The following PLCG2 variants were observed in gnomAD, a reference collection of about 807,000 sequenced individuals.
PLCG2 encodes the protein phospholipase C gamma 2.
PLCG2 carries 69 observed loss-of-function variants against 175.6 expected under a neutral mutation model. The observed-to-expected ratio is 0.39, with a 90% CI of 0.32 to 0.48. PLCG2 has a LOEUF of 0.48. Ranked by LOEUF, PLCG2 falls within the 20% of genes least tolerant of loss-of-function variation. PLCG2 has a pLI of 0.91. For synonymous variants in PLCG2, 827 were observed against 624.0 expected (o/e 1.33, Z -4.85); for missense variants, 1,798 against 1,650.9 (o/e 1.09, Z -1.54).
chr16:81,908,347 A>C (rs925914170), intron 16 of PLCG2, 69 bp from the exon 17 acceptor site: 45 of 1,392,466 alleles, frequency 3.2e-5, no homozygotes, highest in Non-Finnish European at 4.4e-5. Context: ...GTGAGACAGA[A>C]GGACCTGTCT....
At chr16:81,786,475 G>C (rs1305479021) in intron 2 of PLCG2, among the ~76,000 whole-genome samples, 1 of 152,194 alleles carries the variant, frequency 6.6e-6, no homozygotes, top group Non-Finnish European at 1.5e-5. Context: ...CTGTCTGACA[G>C]CATCAGGGAT....
chr16:81,783,504 A>G (rs1217133798), intron 1 of PLCG2, among the ~76,000 whole-genome samples: 2 of 152,208 alleles, frequency 1.3e-5, no homozygotes, highest in South Asian at 4.1e-4. Context: ...ATATCTGGCC[A>G]GATGCTGCCA....
intron 27 of PLCG2, among the ~76,000 whole-genome samples, chr16:81,936,791 C>T (rs184092108): frequency 1.9e-3 from 286 of 152,294 alleles, no homozygotes; most frequent in African/African-American, 6.4e-3. Context: ...ACAAAGTGAT[C>T]GCATAAATCA....
At position 81,961,065 on chromosome 16, in the gene PLCG2, G is replaced by C. The variant is rs1242046214; in HGVS notation, c.*3067G>C. ...TTATCAACAGGGCACAAATCTTTTT[G>C]CAAATGGATTTTCCAAGTTTTTCTG... On this transcript the variant is annotated 3_prime_UTR_variant, in exon 33 of 33. Transcript: ENST00000564138. 4.3e-6 allele frequency: 1 copy of C among 231,356 alleles called. No individual in the cohort carries two copies. The highest frequency in any genetic ancestry group is 5.7e-5 in the Admixed American group (1 of 17,692). 14.3% of individuals were successfully genotyped at this position (231,356 alleles called of 1,614,324 possible). A position where few individuals can be genotyped will look rare whatever the true frequency, so the allele number is the denominator to read the frequency against.
intron 23 of PLCG2, 150 bp from the exon 24 acceptor site, chr16:81,928,408 G>C (rs1210214898): frequency 3.3e-6 from 2 of 601,048 alleles, no homozygotes; most frequent in Non-Finnish European, 6.2e-6. Context: ...TCATTATTTA[G>C]CTCTCTCCCC....
chr16:81,784,113 G>A (rs572312164), intron 1 of PLCG2, among the ~76,000 whole-genome samples: 1 of 152,324 alleles, frequency 6.6e-6, no homozygotes, highest in African/African-American at 2.4e-5. Context: ...TGGGCAGAGA[G>A]CAGGTGTAAT....
At chr16:81,957,003 C>A (rs903560800) in intron 32 of PLCG2, 124 bp downstream of exon 32, 2 of 607,782 alleles carry the variant, frequency 3.3e-6, no homozygotes, top group Non-Finnish European at 4.9e-6. Context: ...CTTGGCCGGG[C>A]ATGGTGGCTC....
intron 5 of PLCG2, among the ~76,000 whole-genome samples, chr16:81,860,173 T>TTATTATTATTATTTA (rs56260145): frequency 1.2e-5 from 1 of 81,516 alleles, no homozygotes; most frequent in Non-Finnish European, 2.6e-5. Flanking sequence ...ATTATTATTA[T>TTATTATTATTATTTA]TTTTTTTTTT....
Position 81,931,521 on chromosome 16 carries a change from A to T in PLCG2, c.2606A>T (p.Gln869Leu), listed in dbSNP as rs1910502239. 1.2e-6 allele frequency: 2 copies of T among 1,614,134 alleles called. No homozygotes were observed. Among genetic ancestry groups the T allele is most frequent in the African/African-American group, 1.3e-5 (1 of 75,032 alleles). Reference sequence around the variant, plus strand: ...GTGAAAGCCCCTCAGGGAAAAAACCAGAAGTCCTTTGTCTTCATCCTGGAG... The same window carrying T: ...GTGAAAGCCCCTCAGGGAAAAAACCTGAAGTCCTTTGTCTTCATCCTGGAG... ...NVVKAPQGKN[Q>L]KSFVFILEPK... Residue 869 changes from glutamine to leucine, a missense_variant, in exon 25 of 33, where the codon CAG (glutamine) becomes CTG (leucine). Physicochemically the swap from Gln to Leu is moderately radical, Grantham distance 113. Transcript: ENST00000564138.
intron 2 of PLCG2, among the ~76,000 whole-genome samples, chr16:81,833,534 T>TA (rs1567488492): frequency 7.5e-6 from 1 of 132,744 alleles, no homozygotes; most frequent in Non-Finnish European, 1.7e-5. Flanking sequence ...TTTAAAAAAA[T>TA]CTTTTTTTTT....
chr16:81,820,739 G>A (rs1904759488), intron 2 of PLCG2, among the ~76,000 whole-genome samples: 1 of 152,168 alleles, frequency 6.6e-6, no homozygotes. Context: ...TCCCACCTCA[G>A]CCTCCTGAGT....
intron 31 of PLCG2, among the ~76,000 whole-genome samples, chr16:81,951,427 G>A (rs1395381760): frequency 6.6e-6 from 1 of 152,190 alleles, no homozygotes; most frequent in Non-Finnish European, 1.5e-5. Context: ...CTGAAAAGCA[G>A]TAGAAAAGTT....
At position 81,938,402 on chromosome 16, in the gene PLCG2, G is replaced by A. The variant is rs189500668; in HGVS notation, c.3199-399G>A. 6.0e-5 allele frequency: 13 copies of A among 217,280 alleles called. No individual in the cohort carries two copies. In the East Asian group the frequency reaches 7.1e-4, roughly 12 times the overall value. The allele number at this position is 217,280 out of a possible 1,614,324, so 13.5% of individuals were successfully genotyped here. On this transcript the variant is annotated intron_variant, in intron 28 of 32. Transcript: ENST00000564138. ...CGGGTGGTAGGGGGAAGAAGCATACGTAAACACAGGCCTTTAAATAAACAG... is the reference window on the plus strand; with the variant it reads ...CGGGTGGTAGGGGGAAGAAGCATACATAAACACAGGCCTTTAAATAAACAG...
intron 30 of PLCG2, among the ~76,000 whole-genome samples, chr16:81,940,562 C>T (rs999494241): frequency 6.6e-6 from 1 of 152,188 alleles, no homozygotes; most frequent in Non-Finnish European, 1.5e-5. Flanking sequence ...TGAGTTGTTA[C>T]AGTTTTCTTC....
At chr16:81,935,338 T>G (rs1360346360) in intron 26 of PLCG2, among the ~76,000 whole-genome samples, 1 of 152,074 alleles carries the variant, frequency 6.6e-6, no homozygotes, top group Non-Finnish European at 1.5e-5. Flanking sequence ...TTCAAGCTCC[T>G]TAATCACACC....
intron 2 of PLCG2, among the ~76,000 whole-genome samples, chr16:81,838,778 A>AATATATATATATATATATATAT (rs10549962): frequency 5.6e-5 from 8 of 141,692 alleles, no homozygotes; most frequent in African/African-American, 1.8e-4. Context: ...AGTAAAATTA[A>AATATATATATATATATATATAT]ATATATATAT....
chr16:81,957,929 C>T, intron 32 of PLCG2, 27 bp from the exon 33 acceptor site: 4 of 1,609,774 alleles, frequency 2.5e-6, no homozygotes, highest in Non-Finnish European at 3.4e-6. Flanking sequence ...TGGCCCACTG[C>T]TGATGGTGAA....
intron 22 of PLCG2, among the ~76,000 whole-genome samples, chr16:81,924,462 G>A (rs1247724975): frequency 1.3e-5 from 2 of 152,194 alleles, no homozygotes; most frequent in African/African-American, 4.8e-5. Flanking sequence ...TAAAAGGTTG[G>A]TTCTGTTGTT....
chr16:81,875,751 C>G (rs938656466), intron 7 of PLCG2, among the ~76,000 whole-genome samples: 1 of 152,166 alleles, frequency 6.6e-6, no homozygotes, highest in Non-Finnish European at 1.5e-5. Context: ...AAATAGAAAG[C>G]ACTTGCAAAA....
Sources: allele counts gnomAD v4.1 joint callset (sites outside exome capture counted in the v4.1 genomes callset), GRCh38; gene constraint gnomAD v4.1.1; transcripts MANE v1.5; gene names NCBI Gene and HGNC (gene_info 2026-07-23, HGNC 2026-07-21).